Variants in CAPRIN1 observed in about 807,000 individuals in gnomAD.
CAPRIN1 encodes caprin-1.
In CAPRIN1, 29 loss-of-function variants were observed where a neutral mutation model predicts 100.9. That is an observed-to-expected ratio of 0.29 (90% CI 0.21 to 0.39). The LOEUF (loss-of-function observed/expected upper bound fraction) is 0.39. Ranked by LOEUF, CAPRIN1 falls within the 10% of genes least tolerant of loss-of-function variation. CAPRIN1 has a pLI of 1.00. For missense variants in CAPRIN1, 795 were observed against 876.7 expected (o/e 0.91, Z 1.18); for synonymous variants, 338 against 307.5 (o/e 1.10, Z -1.04).
intron 2 of CAPRIN1, among the ~76,000 whole-genome samples, chr11:34,068,177 T>G (rs747257624): frequency 3.3e-5 from 5 of 152,196 alleles, no homozygotes; most frequent in Non-Finnish European, 5.9e-5. Context: ...CAAGAGGCCT[T>G]TCTTCATGGC....
intron 15 of CAPRIN1, among the ~76,000 whole-genome samples, chr11:34,092,499 C>G (rs1851282752): frequency 6.6e-6 from 1 of 151,782 alleles, no homozygotes; most frequent in Non-Finnish European, 1.5e-5. Flanking sequence ...CTTGGGAATA[C>G]ACGCATGTGC....
At chr11:34,065,312 A>G (rs1032281892) in intron 2 of CAPRIN1, among the ~76,000 whole-genome samples, 7 of 152,202 alleles carry the variant, frequency 4.6e-5, no homozygotes, top group African/African-American at 1.2e-4. Flanking sequence ...TTGATTCAGA[A>G]TAATTTATTT....
intron 2 of CAPRIN1, among the ~76,000 whole-genome samples, chr11:34,063,567 G>T (rs1210230324): frequency 6.6e-6 from 1 of 152,192 alleles, no homozygotes; most frequent in Non-Finnish European, 1.5e-5. Flanking sequence ...AGTACCACAT[G>T]ACTCTGACAT....
chr11:34,060,646 A>G (rs1253697787), intron 2 of CAPRIN1, among the ~76,000 whole-genome samples: 1 of 152,214 alleles, frequency 6.6e-6, no homozygotes, highest in Non-Finnish European at 1.5e-5. Context: ...AGTTTCCTCA[A>G]TTTTTAAAAG....
chr11:34,079,915 T>TTTG (rs1850984028), intron 7 of CAPRIN1, 150 bp downstream of exon 7: 3 of 1,622 alleles, frequency 1.8e-3, no homozygotes, highest in African/African-American at 0.016. Context: ...GTTTTTTTTT[T>TTTG]TTTTTTTTTT....
intron 4 of CAPRIN1, among the ~76,000 whole-genome samples, chr11:34,075,967 A>G (rs564721117): frequency 6.6e-6 from 1 of 152,256 alleles, no homozygotes; most frequent in African/African-American, 2.4e-5. Context: ...CCTCTAGATT[A>G]TTTTCAAACA....
chr11:34,061,200 C>CTTTT (rs770158492), intron 2 of CAPRIN1, among the ~76,000 whole-genome samples: 12 of 102,830 alleles, frequency 1.2e-4, no homozygotes, highest in East Asian at 2.9e-4. Flanking sequence ...AGGTAACATC[C>CTTTT]TTTTTTTTTT....
At chr11:34,093,171 A>G (rs1377701167) in intron 15 of CAPRIN1, among the ~76,000 whole-genome samples, 1 of 149,738 alleles carries the variant, frequency 6.7e-6, no homozygotes, top group Admixed American at 6.7e-5. Flanking sequence ...GTCTAGCTCG[A>G]TAGAGATACT....
At chr11:34,052,717 G>A in intron 2 of CAPRIN1, 81 bp downstream of exon 2, 3 of 1,469,104 alleles carry the variant, frequency 2.0e-6, no homozygotes, top group South Asian at 2.5e-5. Flanking sequence ...TGGAGCCTTC[G>A]CTTCTTTTCG....
chr11:34,101,607 T>C lies in CAPRIN1; in HGVS notation c.*2240T>C, dbSNP rs970699868. Among the ~76,000 whole-genome samples, 7 of 152,222 alleles carry C rather than the reference T, an allele frequency of 4.6e-5. No homozygotes were observed. Among genetic ancestry groups the C allele is most frequent in the Non-Finnish European group, 8.8e-5 (6 of 68,022 alleles). Reference sequence around the variant, plus strand: ...AAGAATTGTTCCTTTTTTTGAACTATAATTTTTCTTTTTTTGGTTATTTTA... The same window carrying C: ...AAGAATTGTTCCTTTTTTTGAACTACAATTTTTCTTTTTTTGGTTATTTTA... On this transcript the variant is annotated 3_prime_UTR_variant, in exon 19 of 19. Transcript: ENST00000341394.
At chr11:34,095,342 C>A (rs1001389773) in intron 15 of CAPRIN1, among the ~76,000 whole-genome samples, 2 of 152,166 alleles carry the variant, frequency 1.3e-5, no homozygotes, top group African/African-American at 2.4e-5. Flanking sequence ...ATTTGTCATT[C>A]ACTTACAATT....
intron 2 of CAPRIN1, among the ~76,000 whole-genome samples, chr11:34,065,491 G>C (rs1290350741): frequency 6.6e-6 from 1 of 152,222 alleles, no homozygotes; most frequent in African/African-American, 2.4e-5. Context: ...CTGGGGTAGT[G>C]CCTGAGAATT....
chr11:34,062,975 AT>A (rs1353644208), intron 2 of CAPRIN1: 3 of 151,696 alleles, frequency 2.0e-5, no homozygotes, highest in Non-Finnish European at 4.4e-5. Context: ...TCTCTTTGCT[AT>A]TTATTTTTAA....
rs1851450152 is a variant in CAPRIN1 at position 34,101,292 on chromosome 11, C to G, written c.*1925C>G. On this transcript the variant is annotated 3_prime_UTR_variant, in exon 19 of 19. Transcript: ENST00000341394. ...GGGATGTACCACAACCATATGTTAC[C>G]TGTATCTTAGGGGAATGGATAAAAT... The G allele has an allele frequency of 6.6e-6, 1 of 152,130 alleles. No homozygotes were observed. The highest frequency in any genetic ancestry group is 6.5e-5 in the Admixed American group (1 of 15,276). The allele number at this position is 152,130 out of a possible 1,614,324, so 9.4% of individuals were successfully genotyped here.
Position 34,090,201 on chromosome 11 carries a change from G to A in CAPRIN1, c.1316G>A (p.Ser439Asn). Residue 439 changes from serine (S) to asparagine (N), a missense_variant, in exon 13 of 19, where the codon AGT becomes AAT. Physicochemically the swap from Ser to Asn is conservative, Grantham distance 46 (BLOSUM62 1). Transcript: ENST00000341394. ...TAGGTTCCTTTGGTATCATCCACAA[G>A]TGAGGGGTACACAGCATCTCAACCC... ...ATQVPLVSST[S>N]EGYTASQPLY... 1 of 1,612,764 alleles carries A rather than the reference G, an allele frequency of 6.2e-7. No individual in the cohort carries two copies. Among genetic ancestry groups the A allele is most frequent in the Non-Finnish European group, 8.5e-7 (1 of 1,178,882 alleles).
At chr11:34,093,415 T>C (rs1236113438) in intron 15 of CAPRIN1, among the ~76,000 whole-genome samples, 1 of 152,104 alleles carries the variant, frequency 6.6e-6, no homozygotes, top group Non-Finnish European at 1.5e-5. Context: ...TGATGTCTTC[T>C]TTAGTTCTTT....
chr11:34,065,130 T>G (rs554922605), intron 2 of CAPRIN1, among the ~76,000 whole-genome samples: 1 of 151,786 alleles, frequency 6.6e-6, no homozygotes, highest in Admixed American at 6.6e-5. Context: ...CGACTAATTT[T>G]TTTTTGTATT....
chr11:34,086,005 G>A (rs899006280), intron 9 of CAPRIN1, 59 bp from the exon 10 acceptor site: 20 of 1,443,100 alleles, frequency 1.4e-5, no homozygotes, highest in Non-Finnish European at 1.9e-5. Context: ...CATCATGGTG[G>A]TAGTGAGTGG....
At chr11:34,082,264 T>G (rs1851047966) in intron 7 of CAPRIN1, among the ~76,000 whole-genome samples, 1 of 152,160 alleles carries the variant, frequency 6.6e-6, no homozygotes, top group Non-Finnish European at 1.5e-5. Flanking sequence ...CTCGGCTCAC[T>G]GCAACCTCCA....
Sources: allele counts gnomAD v4.1 joint callset (sites outside exome capture counted in the v4.1 genomes callset), GRCh38; gene constraint gnomAD v4.1.1; transcripts MANE v1.5; gene names NCBI Gene and HGNC (gene_info 2026-07-23, HGNC 2026-07-21).